PRIM2: variants seen among roughly 807,000 people sequenced by gnomAD.
The protein encoded by PRIM2 is DNA primase large subunit.
In PRIM2, 39 loss-of-function variants were observed where a neutral mutation model predicts 67.3. The observed-to-expected ratio is 0.58, with a 90% CI of 0.45 to 0.76. The LOEUF (loss-of-function observed/expected upper bound fraction) is 0.76, where lower values mean the gene tolerates loss of function less well. PRIM2 is among the 30% of genes least tolerant of loss of function. The probability of loss-of-function intolerance (pLI) is 0.00; values close to 1 mark genes in which losing one functional copy is unlikely to be tolerated. For missense variants in PRIM2, 398 were observed against 598.7 expected, an observed-to-expected ratio of 0.66 and a Z score of 3.50; for synonymous variants, 143 against 198.7, an observed-to-expected ratio of 0.72 and a Z score of 2.36.
intron 7 of PRIM2, among the ~76,000 whole-genome samples, chr6:57,437,350 G>C (rs965298258): frequency 6.6e-6 from 1 of 152,178 alleles, no homozygotes; most frequent in Non-Finnish European, 1.5e-5. Context: ...CATATCCCTA[G>C]GTATTCTATT....
chr6:57,302,245 A>G, the PRIM2 span, among the ~76,000 whole-genome samples: 2 of 152,216 alleles, frequency 1.3e-5, no homozygotes, highest in Non-Finnish European at 2.9e-5. Context: ...GCAGAGTTAC[A>G]TTTGAAAAAA....
At chr6:57,331,692 A>T (rs899636257) in intron 5 of PRIM2, among the ~76,000 whole-genome samples, 2 of 151,892 alleles carry the variant, frequency 1.3e-5, no homozygotes, top group Non-Finnish European at 2.9e-5. Context: ...GCAGTTATTC[A>T]TAGTTTTCTC....
At chr6:57,460,626 A>AG (rs1403455286) in intron 7 of PRIM2, among the ~76,000 whole-genome samples, 7 of 152,226 alleles carry the variant, frequency 4.6e-5, no homozygotes, top group African/African-American at 1.7e-4. Context: ...TAAAAAAAAA[A>AG]AAAAAAGCTT....
At chr6:57,429,687 A>G (rs1380406320) in intron 7 of PRIM2, among the ~76,000 whole-genome samples, 2 of 152,174 alleles carry the variant, frequency 1.3e-5, no homozygotes, top group Non-Finnish European at 2.9e-5. Context: ...GATTGGCCCT[A>G]ATACAGTCTG....
intron 7 of PRIM2, among the ~76,000 whole-genome samples, chr6:57,454,940 T>C (rs1201444238): frequency 6.6e-6 from 1 of 152,208 alleles, no homozygotes; most frequent in Non-Finnish European, 1.5e-5. Context: ...TAAATTTCCC[T>C]CTACACAGTG....
intron 10 of PRIM2, among the ~76,000 whole-genome samples, chr6:57,575,375 A>G (rs1562794999): frequency 6.6e-6 from 1 of 152,190 alleles, no homozygotes; most frequent in Non-Finnish European, 1.5e-5. Flanking sequence ...GAACACAACT[A>G]TGATGTATTT....
At chr6:57,528,386 T>G (rs1349077842) in intron 8 of PRIM2, among the ~76,000 whole-genome samples, 4 of 151,736 alleles carry the variant, frequency 2.6e-5, no homozygotes, top group Non-Finnish European at 5.9e-5. Context: ...CTTGCTTTTT[T>G]TCTTTTTTTC....
rs1581817647 is a variant in PRIM2, at chr6:57,350,565, AG to A, written c.459+24522del. 5.3e-5 allele frequency among the ~76,000 whole-genome samples: 8 copies of A among 152,250 alleles called. No homozygotes were observed. The East Asian group carries it at 1.5e-3, about 29-fold the overall frequency. ...AGGGGTGGTTTGGGATGAGATGAGTAGGTCGGGGTGATCTCTTTCCCTTGCT... is the reference window on the plus strand; with the variant it reads ...AGGGGTGGTTTGGGATGAGATGAGTAGTCGGGGTGATCTCTTTCCCTTGCT... On this transcript the variant is annotated intron_variant, in intron 5 of 13. Coordinates refer to ENST00000615550, the MANE Select transcript of PRIM2 (RefSeq NM_000947.5).
chr6:57,361,210 G>A (rs1769189209), intron 5 of PRIM2, among the ~76,000 whole-genome samples: 1 of 152,172 alleles, frequency 6.6e-6, no homozygotes, highest in South Asian at 2.1e-4. Context: ...CTTTGGCAGT[G>A]TAGGTAGTGC....
the PRIM2 span, among the ~76,000 whole-genome samples, chr6:57,257,653 G>A: frequency 6.6e-6 from 1 of 152,188 alleles, no homozygotes; most frequent in Non-Finnish European, 1.5e-5. Flanking sequence ...TGAAACCATA[G>A]GCTTTGGGGC....
chr6:57,310,108 A>G (rs925125584), upstream of PRIM2, among the ~76,000 whole-genome samples: 3 of 152,124 alleles, frequency 2.0e-5, no homozygotes, highest in Non-Finnish European at 4.4e-5. Flanking sequence ...AAAAAAACAA[A>G]CAACCCCATC....
At chr6:57,259,193 A>G in the PRIM2 span, among the ~76,000 whole-genome samples, 1 of 152,208 alleles carries the variant, frequency 6.6e-6, no homozygotes, top group Non-Finnish European at 1.5e-5. Flanking sequence ...TCTTGAGTCC[A>G]AGCCTATTGT....
At chr6:57,632,044 T>C in intron 12 of PRIM2, 89 bp from the exon 13 acceptor site, 1 of 1,003,778 alleles carries the variant, frequency 1.0e-6, no homozygotes. Context: ...GAATGAAGAT[T>C]ATGAAAAGGC....
intron 7 of PRIM2, among the ~76,000 whole-genome samples, chr6:57,392,792 C>T (rs1016572670): frequency 1.5e-4 from 23 of 151,906 alleles, no homozygotes; most frequent in South Asian, 2.1e-4. Flanking sequence ...GAGCAGTATA[C>T]GCTACACCAT....
intron 7 of PRIM2, among the ~76,000 whole-genome samples, chr6:57,455,697 G>T (rs1772747151): frequency 6.6e-6 from 1 of 152,104 alleles, no homozygotes; most frequent in Admixed American, 6.5e-5. Flanking sequence ...TGTGAGATGG[G>T]TTTCCTGAAT....
the PRIM2 span, among the ~76,000 whole-genome samples, chr6:57,242,408 G>T: frequency 6.6e-6 from 1 of 152,066 alleles, no homozygotes; most frequent in Admixed American, 6.6e-5. Context: ...AATGTTTTGT[G>T]AGGGAATTAT....
At chr6:57,570,801 T>G (rs1775848272) in intron 10 of PRIM2, among the ~76,000 whole-genome samples, 2 of 152,218 alleles carry the variant, frequency 1.3e-5, no homozygotes, top group African/African-American at 2.4e-5. Context: ...TTATGGCTGA[T>G]GAGAAGATAA....
chr6:57,407,124 G>A lies in PRIM2; in HGVS notation c.693+24956G>A, dbSNP rs1283312332. Among the ~76,000 whole-genome samples the A allele has an allele frequency of 2.6e-5, 4 of 152,042 alleles. No homozygotes were observed. The East Asian group carries it at 7.7e-4, about 29-fold the overall frequency. ...TAACTGTGTCATCAAAAACTCCACA[G>A]TTATAACATTGACTATTAAAGGCTA... On this transcript the variant is annotated intron_variant, in intron 7 of 13. Coordinates refer to ENST00000615550, the MANE Select transcript of PRIM2 (RefSeq NM_000947.5).
intron 7 of PRIM2, among the ~76,000 whole-genome samples, chr6:57,428,184 A>G (rs1771696430): frequency 6.6e-6 from 1 of 152,168 alleles, no homozygotes; most frequent in Non-Finnish European, 1.5e-5. Flanking sequence ...TTTTAAATTT[A>G]TACATACAAG....
Sources: allele counts gnomAD v4.1 joint callset (sites outside exome capture counted in the v4.1 genomes callset), GRCh38; gene constraint gnomAD v4.1.1; transcripts MANE v1.5; gene names NCBI Gene and HGNC (gene_info 2026-07-23, HGNC 2026-07-21).